Variants in CLCN7 observed in about 807,000 individuals in gnomAD.
CLCN7 encodes the protein Cl-/H+ antiporter 7, also known as H(+)/Cl(-) exchange transporter 7.
A neutral mutation model predicts 102.1 loss-of-function variants in CLCN7; 60 were observed. That is an observed-to-expected ratio of 0.59 (90% CI 0.48 to 0.73). The LOEUF is 0.73. CLCN7 is among the 30% of genes least tolerant of loss of function. The pLI is 0.00. For synonymous variants in CLCN7, 560 were observed against 490.5 expected (o/e 1.14, Z -1.87); for missense variants, 962 against 1,125.7 (o/e 0.85, Z 2.08).
chr16:1,460,604 C>T (rs1596223679), intron 5 of CLCN7, 77 bp from the exon 6 acceptor site: 2 of 1,342,662 alleles, frequency 1.5e-6, no homozygotes, highest in East Asian at 2.3e-5. Context: ...CCCCACAGAC[C>T]AGCCTGGCAG....
intron 1 of CLCN7, 36 bp downstream of exon 1, chr16:1,474,798 G>T (rs2039127888): frequency 4.7e-6 from 6 of 1,289,154 alleles, no homozygotes; most frequent in Non-Finnish European, 5.9e-6. Flanking sequence ...GCGCACGAGG[G>T]CTCAGTTTCC....
chr16:1,446,836 G>A, intron 24 of CLCN7, 119 bp from the exon 25 acceptor site: 5 of 1,135,390 alleles, frequency 4.4e-6, no homozygotes, highest in Non-Finnish European at 6.5e-6. Flanking sequence ...CTTCAGCACA[G>A]CCCCCGAGCT....
At position 1,456,000 on chromosome 16, in the gene CLCN7, G is replaced by A. The variant is rs939439414; in HGVS notation, c.916+113C>T. ...CCGGCCGCTTCCAAATGCCCCGGCC[G>A]TGACTCCAAGCCTCTGCCACCCTCA... is the stretch of plus-strand genomic sequence containing the variant. On this transcript the variant is annotated intron_variant, in intron 10 of 24. Transcript: ENST00000382745. The A allele has an allele frequency of 8.5e-5, 91 of 1,066,934 alleles. No individual in the cohort carries two copies. The African/African-American group carries it at 1.1e-3, about 12-fold the overall frequency. 66.1% of individuals were successfully genotyped at this position (1,066,934 alleles called of 1,614,324 possible). A position where few individuals can be genotyped will look rare whatever the true frequency, so the allele number is the denominator to read the frequency against.
chr16:1,474,931 C>A lies in CLCN7; in HGVS notation c.44G>T (p.Arg15Leu), dbSNP rs777887319. ...SKKVSWSGRDRDDEEAAPLLR... is the reference protein window; with the variant it reads ...SKKVSWSGRDLDDEEAAPLLR... ...CAGCGGCGCCGCCTCCTCGTCGTCC[C>A]GGTCCCGGCCGGACCAGGACACCTT... Residue 15 changes from arginine to leucine, a missense_variant, in exon 1 of 25, where the codon CGG (arginine) becomes CTG (leucine). Coordinates refer to ENST00000382745, the MANE Select transcript of CLCN7 (RefSeq NM_001287.6). 6.8e-7 allele frequency: 1 copy of A among 1,480,634 alleles called. No homozygotes were observed. The highest frequency in any genetic ancestry group is 8.9e-7 in the Non-Finnish European group (1 of 1,120,550). 91.7% of individuals were successfully genotyped at this position (1,480,634 alleles called of 1,614,324 possible).
At chr16:1,455,087 C>G in intron 12 of CLCN7, 47 bp downstream of exon 12, 3 of 1,127,106 alleles carry the variant, frequency 2.7e-6, no homozygotes, top group Non-Finnish European at 4.1e-6. Context: ...AAACAGGGTC[C>G]TGGACCAGGA....
At position 1,456,739 on chromosome 16, in the gene CLCN7, G is replaced by C. The variant is rs138047186; in HGVS notation, c.822+515C>G. Among the ~76,000 whole-genome samples, 1,227 of 152,064 alleles carry C rather than the reference G, an allele frequency of 8.1e-3. 11 individuals are homozygous for C. The highest frequency in any genetic ancestry group is 0.028 in the African/African-American group (1,165 of 41,460). On this transcript the variant is annotated intron_variant, in intron 9 of 24. Coordinates refer to ENST00000382745, the MANE Select transcript of CLCN7 (RefSeq NM_001287.6). ...ACCTATAATCCCAGCTACTCGGGAT[G>C]CTGAGGCAGGAGAATTGCTTGAACC... is the stretch of plus-strand genomic sequence containing the variant.
intron 1 of CLCN7, among the ~76,000 whole-genome samples, chr16:1,469,189 G>C (rs2039045144): frequency 6.6e-6 from 1 of 152,014 alleles, no homozygotes; most frequent in Non-Finnish European, 1.5e-5. Context: ...CTGGGCAACA[G>C]AGCAAGACCC....
chr16:1,467,026 C>G (rs185953485), intron 1 of CLCN7, among the ~76,000 whole-genome samples: 1 of 151,996 alleles, frequency 6.6e-6, no homozygotes, highest in Non-Finnish European at 1.5e-5. Flanking sequence ...CAGCCACCGT[C>G]GCCCTTGCTG....
intron 2 of CLCN7, among the ~76,000 whole-genome samples, chr16:1,464,070 A>C (rs895465059): frequency 2.0e-5 from 3 of 152,208 alleles, no homozygotes; most frequent in Non-Finnish European, 4.4e-5. Flanking sequence ...CCCTTGGCCA[A>C]AACTTTTTTA....
chr16:1,451,368 G>A (rs1426838137), intron 16 of CLCN7, among the ~76,000 whole-genome samples: 2 of 152,200 alleles, frequency 1.3e-5, no homozygotes, highest in Non-Finnish European at 2.9e-5. Context: ...ACCGTAGCCA[G>A]ATAATGTTGC....
intron 1 of CLCN7, chr16:1,474,170 G>A (rs935345114): frequency 2.2e-6 from 1 of 456,084 alleles, no homozygotes; most frequent in South Asian, 1.5e-5. Context: ...CTGCTCAGAC[G>A]CACGCTGCAG....
At chr16:1,461,070 G>A (rs963314692) in intron 4 of CLCN7, 122 bp from the exon 5 acceptor site, 14 of 1,284,794 alleles carry the variant, frequency 1.1e-5, no homozygotes, top group South Asian at 1.4e-5. Flanking sequence ...TGCACGGTGC[G>A]CTGAGTCCCA....
rs894221392 is a variant in CLCN7 at position 1,447,779 on chromosome 16, G to A, written c.2014-65C>T. On this transcript the variant is annotated intron_variant, in intron 21 of 24. Transcript: ENST00000382745. ...GTGGGAGGCTGCGCTGGAATGCTGT[G>A]TCGGGCCCCGCTCTGACCCTGTTCC... 7 of 1,507,150 alleles carry A rather than the reference G, an allele frequency of 4.6e-6. No individual in the cohort carries two copies. The Admixed American group carries it at 1.4e-4, about 30-fold the overall frequency. The allele number at this position is 1,507,150 out of a possible 1,614,324, so 93.4% of individuals were successfully genotyped here. A position where few individuals can be genotyped will look rare whatever the true frequency, so the allele number is the denominator to read the frequency against.
chr16:1,455,377 CA>C (rs1242933084), intron 11 of CLCN7, 127 bp from the exon 12 acceptor site: 1 of 780,696 alleles, frequency 1.3e-6, no homozygotes, highest in Non-Finnish European at 2.3e-6. Flanking sequence ...CCGCCCAAGG[CA>C]GAAGGGAAGG....
At position 1,473,365 on chromosome 16, in the gene CLCN7, C is replaced by T. The variant is rs528763671; in HGVS notation, c.141+1469G>A. Among the ~76,000 whole-genome samples the T allele has an allele frequency of 1.7e-4, 24 of 138,030 alleles. No individual in the cohort carries two copies. The East Asian group carries it at 5.5e-3, about 32-fold the overall frequency. 90.6% of individuals were successfully genotyped at this position (138,030 alleles called of 152,430 possible). On this transcript the variant is annotated intron_variant, in intron 1 of 24. Coordinates refer to ENST00000382745, the MANE Select transcript of CLCN7 (RefSeq NM_001287.6). ...AAACAGGCTGATTTTCGTGTCCTTC[C>T]TAAACTTTTTTTTTTTTTTTTTTTT...
At chr16:1,461,313 C>A in intron 4 of CLCN7, 92 bp downstream of exon 4, 2 of 1,107,320 alleles carry the variant, frequency 1.8e-6, no homozygotes, top group East Asian at 5.2e-5. Context: ...GGAGGAGGTG[C>A]GTCACCTCAC....
intron 1 of CLCN7, among the ~76,000 whole-genome samples, chr16:1,469,257 G>A (rs1419909650): frequency 6.6e-6 from 1 of 151,424 alleles, no homozygotes; most frequent in Admixed American, 6.6e-5. Flanking sequence ...TGTATAGAGG[G>A]GAACTACATC....
Position 1,457,104 on chromosome 16 carries a change from C to T in CLCN7, c.822+150G>A. On this transcript the variant is annotated intron_variant, in intron 9 of 24. Transcript: ENST00000382745. The surrounding 1 kb of genome is among the most constrained non-coding windows in gnomAD (Gnocchi z 5.4). ...AGGCCTTGCCGGGCAGGGACTGTGCCCGCTGGCTCTGGGAGCCACCCGCCA... is the reference window on the plus strand; with the variant it reads ...AGGCCTTGCCGGGCAGGGACTGTGCTCGCTGGCTCTGGGAGCCACCCGCCA... 1.3e-6 allele frequency: 1 copy of T among 745,702 alleles called. No homozygotes were observed. Among genetic ancestry groups the T allele is most frequent in the Non-Finnish European group, 2.4e-6 (1 of 423,224 alleles). 46.2% of individuals were successfully genotyped at this position (745,702 alleles called of 1,614,324 possible).
chr16:1,453,796 C>T (rs752471465), intron 14 of CLCN7, 38 bp downstream of exon 14: 27 of 1,602,718 alleles, frequency 1.7e-5, no homozygotes, highest in South Asian at 8.8e-5. Context: ...TGTGTGGCCA[C>T]GCCTGCCAAC....
Sources: allele counts gnomAD v4.1 joint callset (sites outside exome capture counted in the v4.1 genomes callset), GRCh38; gene constraint gnomAD v4.1.1; non-coding constraint Gnocchi (gnomAD v3.1); transcripts MANE v1.5; gene names NCBI Gene and HGNC (gene_info 2026-07-23, HGNC 2026-07-21).